The following MAP4K4 variants were observed in gnomAD, a reference collection of about 807,000 sequenced individuals.
The protein encoded by MAP4K4 is HPK/GCK-like kinase HGK.
Under a neutral mutation model 189.6 loss-of-function variants are expected in MAP4K4, and 38 were observed. The ratio of observed to expected loss-of-function variants is 0.20; its 90% CI spans 0.15 to 0.26. The LOEUF is 0.26. Among genes scored for constraint, MAP4K4 ranks in the 10% least tolerant of loss-of-function variants. The pLI is 1.00. For synonymous variants in MAP4K4, 610 were observed against 624.3 expected (o/e 0.98, Z 0.34); for missense variants, 1,054 against 1,726.9 (o/e 0.61, Z 6.91).
At chr2:101,796,260 C>G (rs2093677541) in intron 3 of MAP4K4, among the ~76,000 whole-genome samples, 1 of 152,152 alleles carries the variant, frequency 6.6e-6, no homozygotes, top group South Asian at 2.1e-4. Flanking sequence ...GCTGCGAGTA[C>G]TTGGAAACTT....
chr2:101,708,097 A>G (rs558088890), intron 2 of MAP4K4, among the ~76,000 whole-genome samples: 90 of 152,108 alleles, frequency 5.9e-4, no homozygotes, highest in Non-Finnish European at 1.2e-3. Flanking sequence ...TCGGCCTCTG[A>G]CCATCCACTT....
chr2:101,697,714 C>A, exon 1 of MAP4K4: 1 of 60,038 alleles, frequency 1.7e-5, no homozygotes, highest in South Asian at 3.5e-4. Flanking sequence ...CTCACTCGCT[C>A]AACTCGGCGC....
At position 101,887,948 on chromosome 2, in the gene MAP4K4, C is replaced by T. The variant is rs1226425004; in HGVS notation, c.3931+11C>T. On this transcript the variant is annotated intron_variant, in intron 31 of 32. Transcript: ENST00000324219. ...TGCCTACATCAGTAGGTATGGAGAACTTGGGGAAAGGCAGCATTTGTGAAA... is the reference window on the plus strand; with the variant it reads ...TGCCTACATCAGTAGGTATGGAGAATTTGGGGAAAGGCAGCATTTGTGAAA... The T allele has an allele frequency of 6.4e-7, 1 of 1,569,748 alleles. No homozygotes were observed. The highest frequency in any genetic ancestry group is 8.6e-7 in the Non-Finnish European group (1 of 1,158,928).
intron 27 of MAP4K4, among the ~76,000 whole-genome samples, chr2:101,879,869 G>A (rs151115434): frequency 3.4e-5 from 5 of 145,098 alleles, no homozygotes; most frequent in East Asian, 2.0e-4. Context: ...TTTTCTAAAC[G>A]TTTTTTCAGT....
intron 2 of MAP4K4, among the ~76,000 whole-genome samples, chr2:101,719,920 G>A (rs558461271): frequency 3.9e-5 from 6 of 152,140 alleles, no homozygotes; most frequent in African/African-American, 1.4e-4. Flanking sequence ...GCTGAGGCAG[G>A]AGAATTGCTT....
At chr2:101,724,678 G>A (rs1429777771) in intron 2 of MAP4K4, among the ~76,000 whole-genome samples, 1 of 152,214 alleles carries the variant, frequency 6.6e-6, no homozygotes, top group Non-Finnish European at 1.5e-5. Flanking sequence ...TAAGGAATAT[G>A]TAGTTCTCTT....
intron 3 of MAP4K4, among the ~76,000 whole-genome samples, chr2:101,801,690 G>A (rs893897645): frequency 1.3e-5 from 2 of 152,184 alleles, no homozygotes; most frequent in African/African-American, 4.8e-5. Flanking sequence ...AACCTTGTAA[G>A]CTGCCCTTTT....
At chr2:101,869,838 C>T (rs1331528141) in intron 22 of MAP4K4, 41 bp downstream of exon 22, 8 of 1,475,078 alleles carry the variant, frequency 5.4e-6, no homozygotes, top group Non-Finnish European at 6.3e-6. Context: ...AGAGTATTCT[C>T]TCAGAGCCTG....
intron 13 of MAP4K4, among the ~76,000 whole-genome samples, chr2:101,856,441 G>C (rs2097463409): frequency 6.6e-6 from 1 of 151,986 alleles, no homozygotes; most frequent in Non-Finnish European, 1.5e-5. Flanking sequence ...TCTCAGGCTT[G>C]GCTTAAATGC....
chr2:101,792,597 T>TCTCCTCCTCCTC (rs60472010), intron 3 of MAP4K4, among the ~76,000 whole-genome samples: 1,468 of 144,874 alleles, frequency 0.01, 50 homozygotes, highest in African/African-American at 0.027. Flanking sequence ...TTCTCCTCCT[T>TCTCCTCCTCCTC]CTCCTCCTCC....
chr2:101,780,104 G>A (rs914928429), intron 2 of MAP4K4, among the ~76,000 whole-genome samples: 2 of 152,164 alleles, frequency 1.3e-5, no homozygotes, highest in African/African-American at 2.4e-5. Flanking sequence ...GTACATATAC[G>A]TAGGTTCACG....
intron 2 of MAP4K4, among the ~76,000 whole-genome samples, chr2:101,707,881 T>A (rs1408655974): frequency 2.7e-5 from 4 of 150,450 alleles, no homozygotes. Context: ...TTTGTATTTT[T>A]AGTAGAGATG....
intron 31 of MAP4K4, 27 bp from the exon 32 acceptor site, chr2:101,888,769 G>T (rs778901929): frequency 1.3e-6 from 2 of 1,560,506 alleles, no homozygotes; most frequent in African/African-American, 2.7e-5. Flanking sequence ...CATCTTTAAC[G>T]GTTTGCAATT....
At chr2:101,864,952 G>A (rs370976722) in exon 18 of MAP4K4, 6 of 1,575,040 alleles carry the variant, frequency 3.8e-6, no homozygotes, top group East Asian at 2.3e-5. Flanking sequence ...ACAACATCTC[G>A]CTCCCCTGTT....
intron 3 of MAP4K4, among the ~76,000 whole-genome samples, chr2:101,802,605 C>T (rs975450869): frequency 2.6e-5 from 4 of 152,196 alleles, no homozygotes; most frequent in South Asian, 2.1e-4. Context: ...CTCACTCCCA[C>T]ACTTTCTTCA....
At chr2:101,783,683 C>G (rs559567459) in intron 2 of MAP4K4, among the ~76,000 whole-genome samples, 4 of 152,298 alleles carry the variant, frequency 2.6e-5, no homozygotes, top group African/African-American at 9.6e-5. Flanking sequence ...TATTAACACT[C>G]CCAAGCCAAC....
exon 33 of MAP4K4, chr2:101,891,183 T>C (rs1179864150): frequency 1.2e-6 from 2 of 1,613,830 alleles, no homozygotes; most frequent in Middle Eastern, 1.6e-4. Flanking sequence ...TTGCCTCTGT[T>C]CGGTCTGGTG....
rs2097860985 is a variant in MAP4K4, at chr2:101,867,850, ACCTG to A, written c.2455-178_2455-175del. On this transcript the variant is annotated intron_variant, in intron 20 of 32. Transcript: ENST00000324219. ...CTTCTCTTTTAATCCCTCTGATGTTACCTGACCATGTAATTGTGCACGCTTTGTG... is the reference window on the plus strand; with the variant it reads ...CTTCTCTTTTAATCCCTCTGATGTTAACCATGTAATTGTGCACGCTTTGTG... 1.7e-5 allele frequency: 11 copies of A among 631,874 alleles called. No individual in the cohort carries two copies. The South Asian group carries it at 1.9e-4, about 11-fold the overall frequency. The allele number at this position is 631,874 out of a possible 1,614,324, so 39.1% of individuals were successfully genotyped here. A position where few individuals can be genotyped will look rare whatever the true frequency, so the allele number is the denominator to read the frequency against.
intron 2 of MAP4K4, among the ~76,000 whole-genome samples, chr2:101,726,165 T>G (rs2055275583): frequency 6.6e-6 from 1 of 152,272 alleles, no homozygotes; most frequent in Non-Finnish European, 1.5e-5. Flanking sequence ...CAAATTGATG[T>G]CTGTGTTAGT....
Sources: gnomAD v4.1 joint callset for allele counts (sites outside exome capture counted in the v4.1 genomes callset) on GRCh38, gnomAD v4.1.1 for gene constraint, MANE v1.5 for transcripts, NCBI Gene and HGNC (gene_info 2026-07-23, HGNC 2026-07-21) for gene names.